The following ALDH18A1 variants were observed in gnomAD, a reference collection of about 807,000 sequenced individuals.
ALDH18A1 encodes the protein aldehyde dehydrogenase 18 family member A1, also known as delta-1-pyrroline-5-carboxylate synthase.
A neutral mutation model predicts 88.8 loss-of-function variants in ALDH18A1; 44 were observed. The ratio of observed to expected loss-of-function variants is 0.50; its 90% CI spans 0.39 to 0.64. ALDH18A1 has a LOEUF of 0.64. Ranked by LOEUF, ALDH18A1 falls within the 30% of genes least tolerant of loss-of-function variation. The pLI is 0.00. For synonymous variants in ALDH18A1, 331 were observed against 372.1 expected, an observed-to-expected ratio of 0.89 and a Z score of 1.27; for missense variants, 782 against 1,009.5, an observed-to-expected ratio of 0.77 and a Z score of 3.05.
chr10:95,651,848 A>C (rs889467439), intron 2 of ALDH18A1, among the ~76,000 whole-genome samples: 4 of 152,236 alleles, frequency 2.6e-5, no homozygotes, highest in African/African-American at 9.6e-5. Context: ...ATGTAGCTAC[A>C]ATCTGACCCA....
chr10:95,619,602 G>A (rs1419057693), intron 12 of ALDH18A1, among the ~76,000 whole-genome samples: 1 of 152,062 alleles, frequency 6.6e-6, no homozygotes, highest in African/African-American at 2.4e-5. Flanking sequence ...ATAGACCAAT[G>A]GAACAGAACA....
In ALDH18A1 at chr10:95,611,359, C is replaced by T. The variant is rs2097834019; in HGVS notation, c.2007G>A (p.Gly669=). The T allele has an allele frequency of 5.0e-6, 8 of 1,614,190 alleles. No homozygotes were observed. The highest frequency in any genetic ancestry group is 2.7e-5 in the African/African-American group (2 of 75,036). Residue 669 remains glycine, a synonymous_variant, in exon 16 of 18, where the codon GGG becomes GGA. Transcript: ENST00000371224. ...CTACTTCAATGCATAATTCCAGGTC[C>T]CCATACTCAGTTCGGAGTGACTTCA... The part of the protein sequence containing the change: ...SEVKSLRTEY[G]DLELCIEVVD...
At chr10:95,610,729 C>T (rs1430904425) in intron 16 of ALDH18A1, among the ~76,000 whole-genome samples, 1 of 152,180 alleles carries the variant, frequency 6.6e-6, no homozygotes, top group Non-Finnish European at 1.5e-5. Context: ...CATGCTAGTG[C>T]CTAGCACACA....
chr10:95,609,875 T>G (rs2097830211), intron 17 of ALDH18A1, among the ~76,000 whole-genome samples: 1 of 148,748 alleles, frequency 6.7e-6, no homozygotes, highest in South Asian at 2.1e-4. Flanking sequence ...TTCAAGCAAT[T>G]CTCCTGCCTC....
chr10:95,655,469 C>G (rs983217633), intron 1 of ALDH18A1, among the ~76,000 whole-genome samples: 2 of 152,170 alleles, frequency 1.3e-5, no homozygotes, highest in African/African-American at 2.4e-5. Context: ...CTATTAGATA[C>G]AATCACACAC....
At chr10:95,638,558 G>A (rs1445333355) in intron 3 of ALDH18A1, among the ~76,000 whole-genome samples, 7 of 152,116 alleles carry the variant, frequency 4.6e-5, no homozygotes, top group South Asian at 2.1e-4. Flanking sequence ...GAAATGCAAC[G>A]CAGACTCAGT....
intron 6 of ALDH18A1, among the ~76,000 whole-genome samples, chr10:95,633,274 C>T (rs1566025953): frequency 6.6e-6 from 1 of 152,174 alleles, no homozygotes; most frequent in Non-Finnish European, 1.5e-5. Context: ...CTGAAATATA[C>T]AAGCCATGCT....
intron 5 of ALDH18A1, 36 bp downstream of exon 5, chr10:95,637,057 C>A: frequency 6.3e-7 from 1 of 1,598,386 alleles, no homozygotes; most frequent in Non-Finnish European, 8.6e-7. Context: ...ACCACCCTCA[C>A]AGGTCCCACA....
At chr10:95,615,958 GCACA>G (rs1212741002) in intron 13 of ALDH18A1, among the ~76,000 whole-genome samples, 22 of 152,132 alleles carry the variant, frequency 1.4e-4, no homozygotes, top group Admixed American at 4.6e-4. Context: ...AATGAGCCTT[GCACA>G]TAGTAGGTAC....
intron 11 of ALDH18A1, among the ~76,000 whole-genome samples, chr10:95,621,859 T>C (rs1180260308): frequency 1.3e-5 from 2 of 152,176 alleles, no homozygotes; most frequent in South Asian, 2.1e-4. Context: ...TGCTGAGAAA[T>C]TGAATTCTAC....
chr10:95,618,065 A>T (rs1216705417), intron 12 of ALDH18A1, among the ~76,000 whole-genome samples: 2 of 152,142 alleles, frequency 1.3e-5, no homozygotes, highest in Admixed American at 6.6e-5. Flanking sequence ...CTTATAGTAA[A>T]GAGGTGCTAG....
At chr10:95,641,520 C>A (rs536232689) in intron 3 of ALDH18A1, among the ~76,000 whole-genome samples, 1 of 7,410 alleles carries the variant, frequency 1.3e-4, no homozygotes, top group Admixed American at 1.7e-3. Flanking sequence ...TCTGCAGGGG[C>A]GGGTGGGGGG....
At chr10:95,652,358 G>GTA (rs1202455349) in intron 2 of ALDH18A1, among the ~76,000 whole-genome samples, 2 of 152,174 alleles carry the variant, frequency 1.3e-5, no homozygotes, top group Non-Finnish European at 2.9e-5. Flanking sequence ...GGACCTTTTT[G>GTA]TACTATTTCT....
In ALDH18A1 at chr10:95,616,541, C is replaced by T. The variant is rs141687744; in HGVS notation, c.1541G>A (p.Arg514Gln). The change falls in exon 13 of 18, where the codon CGG becomes CAG. Residue 514 changes from arginine (R) to glutamine (Q), a missense_variant. Arg to Gln is a conservative substitution (Grantham distance 43). Coordinates refer to ENST00000371224, the MANE Select transcript of ALDH18A1 (RefSeq NM_002860.4). ...CTCCTGGGTCAGGAGGTGGAGAATC[C>T]GGTTGCTGTGTGCAGCCTCCTTCCC... ...KGGKEAAHSN[R>Q]ILHLLTQEAL... 94 of 1,592,198 alleles carry T rather than the reference C, an allele frequency of 5.9e-5. No individual in the cohort carries two copies. Among genetic ancestry groups the T allele is most frequent in the Non-Finnish European group, 7.4e-5 (87 of 1,168,834 alleles).
In ALDH18A1 at chr10:95,621,021, A is replaced by T; in HGVS notation, c.1467+10T>A. On this transcript the variant is annotated intron_variant, in intron 12 of 17. Coordinates refer to ENST00000371224, the MANE Select transcript of ALDH18A1 (RefSeq NM_002860.4). Reference sequence around the variant, plus strand: ...GGCAGGGTATTTATTCTCCCGGGGTATATACACACCTGGGGTAGACAGTCA... The same window carrying T: ...GGCAGGGTATTTATTCTCCCGGGGTTTATACACACCTGGGGTAGACAGTCA... 2.5e-6 allele frequency: 4 copies of T among 1,613,036 alleles called. No homozygotes were observed. The highest frequency in any genetic ancestry group is 3.4e-6 in the Non-Finnish European group (4 of 1,179,106).
Position 95,653,271 on chromosome 10 carries a change from A to C in ALDH18A1, c.88+19T>G. On this transcript the variant is annotated intron_variant, in intron 2 of 17. Coordinates refer to ENST00000371224, the MANE Select transcript of ALDH18A1 (RefSeq NM_002860.4). ...CTATCAAACGTCCCACATACTCATA[A>C]GTTTTCTATGGTACATACGAGATCT... 2 of 1,590,464 alleles carry C rather than the reference A, an allele frequency of 1.3e-6. No homozygotes were observed. The highest frequency in any genetic ancestry group is 1.1e-5 in the South Asian group (1 of 90,510).
chr10:95,642,997 C>T lies in ALDH18A1; in HGVS notation c.298G>A (p.Glu100Lys), dbSNP rs1423331896. 3 of 1,613,146 alleles carry T rather than the reference C, an allele frequency of 1.9e-6. No homozygotes were observed. Among genetic ancestry groups the T allele is most frequent in the Non-Finnish European group, 2.5e-6 (3 of 1,179,888 alleles). The stretch of plus-strand genomic sequence containing the variant: ...ATTTCTATCTTGGCAATCACCTGCT[C>T]AACAATAGATGCCAAGCGCCCCAGG... ...LALGRLASIV[E>K]QVSVLQNQGR... is the part of the protein sequence containing the mutation. Residue 100 changes from glutamate to lysine, a missense_variant, in exon 3 of 18, where the codon GAG becomes AAG. Coordinates refer to ENST00000371224, the MANE Select transcript of ALDH18A1 (RefSeq NM_002860.4).
chr10:95,652,870 T>A (rs2097912487), intron 2 of ALDH18A1, among the ~76,000 whole-genome samples: 1 of 152,018 alleles, frequency 6.6e-6, no homozygotes, highest in Admixed American at 6.6e-5. Context: ...ATTACATCTT[T>A]TTTTTCTCTC....
intron 15 of ALDH18A1, among the ~76,000 whole-genome samples, chr10:95,612,344 G>A (rs1306117902): frequency 6.6e-6 from 1 of 152,216 alleles, no homozygotes; most frequent in Non-Finnish European, 1.5e-5. Flanking sequence ...GGATTCTGAG[G>A]CTGGTCACCG....
Sources: allele counts gnomAD v4.1 joint callset (sites outside exome capture counted in the v4.1 genomes callset), GRCh38; gene constraint gnomAD v4.1.1; transcripts MANE v1.5; gene names NCBI Gene and HGNC (gene_info 2026-07-23, HGNC 2026-07-21).